The following PIKFYVE variants were observed in gnomAD, a reference collection of about 807,000 sequenced individuals.
The protein encoded by PIKFYVE is 1-phosphatidylinositol 3-phosphate 5-kinase.
A neutral mutation model predicts 257.9 loss-of-function variants in PIKFYVE; 122 were observed. The observed-to-expected ratio is 0.47, with a 90% confidence interval of 0.41 to 0.55. The LOEUF (loss-of-function observed/expected upper bound fraction) is 0.55, where lower values mean the gene tolerates loss of function less well. PIKFYVE is among the 20% of genes least tolerant of loss of function. PIKFYVE has a pLI of 0.00. For missense variants in PIKFYVE, 2,160 were observed against 2,536.6 expected, an observed-to-expected ratio of 0.85 and a Z score of 3.19; for synonymous variants, 892 against 868.9, an observed-to-expected ratio of 1.03 and a Z score of -0.47.
chr2:208,276,571 T>C (rs1454397130), intron 3 of PIKFYVE, 141 bp from the exon 4 acceptor site: 2 of 743,468 alleles, frequency 2.7e-6, no homozygotes, highest in African/African-American at 3.5e-5. Flanking sequence ...AAGACTTGTT[T>C]TAACTCTCAA....
At chr2:208,312,160 A>G (rs1469881049) in intron 12 of PIKFYVE, 76 bp from the exon 13 acceptor site, 4 of 1,067,926 alleles carry the variant, frequency 3.7e-6, no homozygotes, top group East Asian at 2.4e-5. Context: ...CGTATTCTCT[A>G]TATAATTATG....
chr2:208,286,362 AT>A (rs972087690), intron 6 of PIKFYVE, among the ~76,000 whole-genome samples: 42 of 152,092 alleles, frequency 2.8e-4, no homozygotes, highest in South Asian at 2.5e-3. Context: ...GTGAAATTAG[AT>A]TTTTTTTCCT....
chr2:208,316,001 A>G (rs1303021166), intron 15 of PIKFYVE, among the ~76,000 whole-genome samples: 2 of 149,848 alleles, frequency 1.3e-5, no homozygotes, highest in African/African-American at 2.4e-5. Flanking sequence ...CATTAGGTAT[A>G]TCACCTAATG....
chr2:208,306,783 T>TC (rs1455301006), intron 12 of PIKFYVE, among the ~76,000 whole-genome samples: 1 of 31,320 alleles, frequency 3.2e-5, no homozygotes, highest in East Asian at 1.0e-3. Flanking sequence ...ATCCTTTTTT[T>TC]TTTTTTTTCT....
intron 31 of PIKFYVE, among the ~76,000 whole-genome samples, chr2:208,340,908 T>G (rs901151850): frequency 1.3e-5 from 2 of 152,166 alleles, no homozygotes. Context: ...AGGTCCCTTT[T>G]TTCTCTACTT....
chr2:208,338,081 T>C (rs1422585732), intron 28 of PIKFYVE, among the ~76,000 whole-genome samples: 1 of 152,178 alleles, frequency 6.6e-6, no homozygotes, highest in Non-Finnish European at 1.5e-5. Flanking sequence ...CTTCATATAC[T>C]TCAATCATAA....
intron 23 of PIKFYVE, among the ~76,000 whole-genome samples, chr2:208,331,137 A>G (rs1253780661): frequency 6.6e-6 from 1 of 152,170 alleles, no homozygotes; most frequent in East Asian, 1.9e-4. Flanking sequence ...ATTCGAGCCT[A>G]TGTGAGCATT....
intron 2 of PIKFYVE, among the ~76,000 whole-genome samples, chr2:208,273,313 C>T (rs917776839): frequency 6.6e-6 from 1 of 152,050 alleles, no homozygotes; most frequent in Non-Finnish European, 1.5e-5. Context: ...TTTTTAAAAT[C>T]TAGGCTGGGC....
chr2:208,296,304 C>T (rs13431503), intron 7 of PIKFYVE, among the ~76,000 whole-genome samples: 172 of 152,180 alleles, frequency 1.1e-3, no homozygotes, highest in African/African-American at 4.1e-3. Context: ...CACGCCTGGA[C>T]GAAACAGACA....
rs1172648166 is a variant in PIKFYVE, at chr2:208,345,105, C to T, written c.5028-6C>T. ...TTAACGTTTTTCAACCTATTTCTGC[C>T]CTAAGTTGTAAAGAATACCGAAATG... On this transcript the variant is annotated splice_polypyrimidine_tract_variant and splice_region_variant and intron_variant, in intron 32 of 41. Transcript: ENST00000264380. 8.2e-6 allele frequency: 13 copies of T among 1,591,772 alleles called. No individual in the cohort carries two copies. Among genetic ancestry groups the T allele is most frequent in the African/African-American group, 1.3e-5 (1 of 74,616 alleles).
In PIKFYVE at chr2:208,349,632, G is replaced by A. The variant is rs529276636; in HGVS notation, c.5375-392G>A. On this transcript the variant is annotated intron_variant, in intron 35 of 41. Transcript: ENST00000264380. ...TTTTATGCATATTTTATATAGCTTA[G>A]TACATGATAAAGCATTGCAAACTAT... Among the ~76,000 whole-genome samples the A allele has an allele frequency of 1.9e-4, 29 of 151,378 alleles. 1 individual carries two copies. In the South Asian group the frequency reaches 5.6e-3, roughly 29 times the overall value.
chr2:208,271,773 C>A, intron 2 of PIKFYVE, 82 bp downstream of exon 2: 1 of 1,335,736 alleles, frequency 7.5e-7, no homozygotes, highest in South Asian at 1.2e-5. Context: ...TCACCATGAT[C>A]ATATAGTGGT....
chr2:208,352,402 A>G (rs903232831), intron 38 of PIKFYVE, among the ~76,000 whole-genome samples: 1 of 152,042 alleles, frequency 6.6e-6, no homozygotes, highest in African/African-American at 2.4e-5. Flanking sequence ...GGGAAATTAC[A>G]TGTCATAATG....
intron 12 of PIKFYVE, chr2:208,305,474 A>G (rs1694211844): frequency 2.1e-6 from 2 of 930,710 alleles, no homozygotes. Context: ...ACATTCCAAA[A>G]TATCTCCATA....
At chr2:208,349,424 G>C (rs757479128) in intron 35 of PIKFYVE, among the ~76,000 whole-genome samples, 2 of 151,274 alleles carry the variant, frequency 1.3e-5, no homozygotes, top group Non-Finnish European at 1.5e-5. Context: ...TAAAAAAATA[G>C]CTCTGACATA....
At chr2:208,293,675 G>GTTTTT (rs35035028) in intron 7 of PIKFYVE, among the ~76,000 whole-genome samples, 3 of 139,038 alleles carry the variant, frequency 2.2e-5, no homozygotes, top group Non-Finnish European at 4.7e-5. Flanking sequence ...TACAGGTAAG[G>GTTTTT]TTTTTTTTTT....
intron 17 of PIKFYVE, 53 bp downstream of exon 17, chr2:208,320,412 A>T: frequency 6.3e-7 from 1 of 1,593,736 alleles, no homozygotes; most frequent in South Asian, 1.1e-5. Context: ...GTGTACCATG[A>T]TGCTTATAAA....
chr2:208,282,840 G>A (rs35211311), intron 5 of PIKFYVE, among the ~76,000 whole-genome samples: 1,776 of 152,190 alleles, frequency 0.012, 12 homozygotes, highest in Non-Finnish European at 0.019. Context: ...TGTGGGGGAC[G>A]GGGGATGGTT....
intron 31 of PIKFYVE, among the ~76,000 whole-genome samples, chr2:208,341,300 A>G (rs940492840): frequency 1.3e-5 from 2 of 150,430 alleles, no homozygotes; most frequent in African/African-American, 4.9e-5. Context: ...GGCCCTTTAA[A>G]CTTTTTTTTT....
Sources: allele counts gnomAD v4.1 joint callset (sites outside exome capture counted in the v4.1 genomes callset), GRCh38; gene constraint gnomAD v4.1.1; transcripts MANE v1.5; gene names NCBI Gene and HGNC (gene_info 2026-07-23, HGNC 2026-07-21).